ITFG1: variants seen among roughly 807,000 people sequenced by gnomAD.
The protein encoded by ITFG1 is integrin alpha FG-GAP repeat containing 1.
In ITFG1, 34 loss-of-function variants were observed where a neutral mutation model predicts 81.8. That is an observed-to-expected ratio of 0.42 (90% CI 0.32 to 0.55). ITFG1 has a LOEUF of 0.55. Among genes scored for constraint, ITFG1 ranks in the 20% least tolerant of loss-of-function variants. The pLI is 0.17. For missense variants in ITFG1, 672 were observed against 755.4 expected (o/e 0.89, Z 1.29); for synonymous variants, 285 against 270.6 (o/e 1.05, Z -0.52).
chr16:47,228,670 C>T (rs1450148940), intron 13 of ITFG1, among the ~76,000 whole-genome samples: 2 of 152,178 alleles, frequency 1.3e-5, no homozygotes, highest in Admixed American at 6.5e-5. Flanking sequence ...GCATCTGACC[C>T]GAAGATAAAT....
rs201734234 is a variant in ITFG1 at position 47,154,936 on chromosome 16, CAA to C, written c.*781_*782del. ...TTCATGCCTGAAAATAAAATTCTAT[CAA>C]GTCTATGTATTTCTATAATTAGATG... On this transcript the variant is annotated 3_prime_UTR_variant, in exon 18 of 18. Transcript: ENST00000320640. 2.0e-5 allele frequency: 3 copies of C among 152,258 alleles called. No homozygotes were observed. Among genetic ancestry groups the C allele is most frequent in the East Asian group, 1.9e-4 (1 of 5,186 alleles). 9.4% of individuals were successfully genotyped at this position (152,258 alleles called of 1,614,324 possible).
chr16:47,218,915 A>G lies in ITFG1; in HGVS notation c.1406T>C (p.Ile469Thr). The G allele has an allele frequency of 2.5e-6, 4 of 1,603,552 alleles. No homozygotes were observed. Among genetic ancestry groups the G allele is most frequent in the Non-Finnish European group, 3.4e-6 (4 of 1,174,682 alleles). The change falls in exon 14 of 18, where the codon ATC becomes ACC. Residue 469 changes from isoleucine (I) to threonine (T), a missense_variant. By Grantham distance (89) the Ile-to-Thr change is moderately conservative. Transcript: ENST00000320640. ...PFGVNQPGPY[I>T]MYTTVDANGY... ...ATTTGCATCTACAGTTGTATACATG[A>G]TATAAGGTCCAGGTTGATTCACTCC...
intron 8 of ITFG1, 196 bp downstream of exon 8, chr16:47,365,592 A>G: frequency 2.1e-6 from 1 of 467,010 alleles, no homozygotes; most frequent in Non-Finnish European, 3.8e-6. Context: ...AACACATCAT[A>G]AATTTCTCCT....
chr16:47,436,637 C>T (rs1271718620), intron 5 of ITFG1, among the ~76,000 whole-genome samples: 1 of 152,080 alleles, frequency 6.6e-6, no homozygotes, highest in Non-Finnish European at 1.5e-5. Flanking sequence ...TGTGAAAAGG[C>T]AGATTAGAAT....
chr16:47,461,061 C>T lies in ITFG1; in HGVS notation c.-16G>A. On this transcript the variant is annotated 5_prime_UTR_variant, in exon 1 of 18. Coordinates refer to ENST00000320640, the MANE Select transcript of ITFG1 (RefSeq NM_030790.5). Reference sequence around the variant, plus strand: ...CCGCCGCCATGGCAGCCCCTCAGCCCCCGCCCGCCGGCCCAACGCCGCGCT... The same window carrying T: ...CCGCCGCCATGGCAGCCCCTCAGCCTCCGCCCGCCGGCCCAACGCCGCGCT... 1 of 1,519,842 alleles carries T rather than the reference C, an allele frequency of 6.6e-7. No individual in the cohort carries two copies. Among genetic ancestry groups the T allele is most frequent in the Non-Finnish European group, 8.8e-7 (1 of 1,139,154 alleles). 94.1% of individuals were successfully genotyped at this position (1,519,842 alleles called of 1,614,324 possible).
At chr16:47,270,008 G>A (rs1966320784) in intron 10 of ITFG1, among the ~76,000 whole-genome samples, 1 of 152,094 alleles carries the variant, frequency 6.6e-6, no homozygotes, top group Non-Finnish European at 1.5e-5. Context: ...ATGGATCAAA[G>A]GCAATTGAGT....
intron 8 of ITFG1, among the ~76,000 whole-genome samples, chr16:47,338,962 T>C (rs946412522): frequency 3.3e-5 from 5 of 152,240 alleles, no homozygotes. Context: ...ACTACTATTC[T>C]TCCCAGCCTC....
chr16:47,440,616 T>A (rs1969234761), intron 5 of ITFG1, among the ~76,000 whole-genome samples: 1 of 151,922 alleles, frequency 6.6e-6, no homozygotes, highest in East Asian at 1.9e-4. Flanking sequence ...AAAGCAGAAA[T>A]AAAGATGTTC....
rs578135264 is a variant in ITFG1 at position 47,367,184 on chromosome 16, G to A, written c.721-1315C>T. On this transcript the variant is annotated intron_variant, in intron 7 of 17. Transcript: ENST00000320640. ...TGAAGAGATGAGTAGGGCGAGGTACGGAAGGGTCACAGAGCTTCCATGCCC... is the reference window on the plus strand; with the variant it reads ...TGAAGAGATGAGTAGGGCGAGGTACAGAAGGGTCACAGAGCTTCCATGCCC... Among the ~76,000 whole-genome samples the A allele has an allele frequency of 5.1e-4, 77 of 152,338 alleles. 1 individual carries two copies. Among genetic ancestry groups the A allele is most frequent in the South Asian group, 2.5e-3 (12 of 4,828 alleles).
chr16:47,370,701 A>G (rs954989992), intron 7 of ITFG1, among the ~76,000 whole-genome samples: 1 of 151,738 alleles, frequency 6.6e-6, no homozygotes, highest in African/African-American at 2.4e-5. Flanking sequence ...TTGCTTATAC[A>G]CCCCTCATCA....
At chr16:47,241,911 G>T (rs977982761) in intron 12 of ITFG1, among the ~76,000 whole-genome samples, 1 of 149,828 alleles carries the variant, frequency 6.7e-6, no homozygotes, top group African/African-American at 2.5e-5. Flanking sequence ...CTGAGATCGC[G>T]CCACTGCTCT....
chr16:47,412,226 C>A (rs1968820159), intron 6 of ITFG1, among the ~76,000 whole-genome samples: 1 of 152,160 alleles, frequency 6.6e-6, no homozygotes, highest in African/African-American at 2.4e-5. Flanking sequence ...CTCCAAACAA[C>A]TGCACTAGAT....
chr16:47,165,694 A>C (rs1031246384), intron 14 of ITFG1, among the ~76,000 whole-genome samples: 1 of 152,168 alleles, frequency 6.6e-6, no homozygotes, highest in Non-Finnish European at 1.5e-5. Context: ...AAAAATACAA[A>C]AATTAGCCAG....
intron 12 of ITFG1, among the ~76,000 whole-genome samples, chr16:47,257,266 C>G (rs1013485690): frequency 6.6e-6 from 1 of 152,114 alleles, no homozygotes; most frequent in African/African-American, 2.4e-5. Context: ...CTCCTAGAAC[C>G]AGTTAGTGAG....
intron 13 of ITFG1, among the ~76,000 whole-genome samples, chr16:47,237,571 A>T (rs1413767362): frequency 6.6e-6 from 1 of 152,222 alleles, no homozygotes; most frequent in African/African-American, 2.4e-5. Context: ...AAAAGTCACT[A>T]ATTGCCTACT....
chr16:47,380,720 C>T (rs1390701009), intron 6 of ITFG1, among the ~76,000 whole-genome samples: 1 of 152,102 alleles, frequency 6.6e-6, no homozygotes, highest in Non-Finnish European at 1.5e-5. Flanking sequence ...GGCAGCAATT[C>T]ATTTACAGGA....
intron 2 of ITFG1, among the ~76,000 whole-genome samples, chr16:47,456,952 C>G (rs1969461719): frequency 6.6e-6 from 1 of 152,062 alleles, no homozygotes; most frequent in African/African-American, 2.4e-5. Context: ...GATGGAATAT[C>G]TGCAAAGAAA....
chr16:47,437,617 G>C (rs1225771620), intron 5 of ITFG1, among the ~76,000 whole-genome samples: 1 of 152,174 alleles, frequency 6.6e-6, no homozygotes, highest in Non-Finnish European at 1.5e-5. Context: ...GCTGAAGCTG[G>C]GTGACAGGTA....
chr16:47,322,455 G>A (rs1370053880), intron 8 of ITFG1, among the ~76,000 whole-genome samples: 2 of 152,176 alleles, frequency 1.3e-5, no homozygotes, highest in Non-Finnish European at 1.5e-5. Context: ...TTGGGACACC[G>A]AGGTGGGTGG....
Sources: gnomAD v4.1 joint callset for allele counts (sites outside exome capture counted in the v4.1 genomes callset) on GRCh38, gnomAD v4.1.1 for gene constraint, MANE v1.5 for transcripts, NCBI Gene and HGNC (gene_info 2026-07-23, HGNC 2026-07-21) for gene names.